TMEM209: variants seen among roughly 807,000 people sequenced by gnomAD.
TMEM209 encodes the protein testicular tissue protein Li 202.
A neutral mutation model predicts 76.2 loss-of-function variants in TMEM209; 65 were observed. The observed-to-expected ratio is 0.85, with a 90% confidence interval of 0.70 to 1.05. The LOEUF is 1.05. Among genes scored for constraint, TMEM209 ranks in the 50% least tolerant of loss-of-function variants. The pLI is 0.00. For synonymous variants in TMEM209, 239 were observed against 237.6 expected (o/e 1.01, Z -0.06); for missense variants, 623 against 685.5 (o/e 0.91, Z 1.02).
At chr7:130,193,360 G>T (rs1416354665) in intron 5 of TMEM209, among the ~76,000 whole-genome samples, 1 of 152,130 alleles carries the variant, frequency 6.6e-6, no homozygotes, top group African/African-American at 2.4e-5. Flanking sequence ...CCAACATGGA[G>T]AAACCCTGTG....
At chr7:130,184,722 C>T (rs184768151) in intron 7 of TMEM209, among the ~76,000 whole-genome samples, 17 of 152,222 alleles carry the variant, frequency 1.1e-4, no homozygotes, top group Non-Finnish European at 2.4e-4. Flanking sequence ...AATCTCCTGA[C>T]CTCGTGATCC....
At chr7:130,189,172 A>T (rs1419375287) in intron 6 of TMEM209, among the ~76,000 whole-genome samples, 1 of 152,164 alleles carries the variant, frequency 6.6e-6, no homozygotes, top group Non-Finnish European at 1.5e-5. Flanking sequence ...TATCTTAAGC[A>T]TGACAATCAT....
At chr7:130,170,609 A>T (rs1291146057) in intron 13 of TMEM209, 136 bp from the exon 14 acceptor site, 2 of 699,546 alleles carry the variant, frequency 2.9e-6, no homozygotes, top group Non-Finnish European at 4.7e-6. Context: ...TATTTATTAA[A>T]CAAAGTACCT....
intron 14 of TMEM209, among the ~76,000 whole-genome samples, chr7:130,167,718 T>G (rs925438369): frequency 1.3e-5 from 2 of 152,138 alleles, no homozygotes; most frequent in African/African-American, 4.8e-5. Context: ...AAGTAGAACA[T>G]TCATCTGATT....
At chr7:130,202,713 T>C (rs1331561980) in intron 3 of TMEM209, 50 bp from the exon 4 acceptor site, 13 of 1,574,750 alleles carry the variant, frequency 8.3e-6, no homozygotes, top group African/African-American at 1.4e-5. Context: ...AGGGCATCTA[T>C]TGGAGAACAC....
chr7:130,185,657 T>G (rs568688382), intron 6 of TMEM209, among the ~76,000 whole-genome samples: 18 of 152,228 alleles, frequency 1.2e-4, no homozygotes, highest in Non-Finnish European at 2.2e-4. Flanking sequence ...TCTAAGACTT[T>G]TAAATCATTT....
chr7:130,170,688 G>C (rs1797039178), intron 13 of TMEM209, among the ~76,000 whole-genome samples: 1 of 152,166 alleles, frequency 6.6e-6, no homozygotes, highest in Non-Finnish European at 1.5e-5. Flanking sequence ...AAGGACATAA[G>C]GGCCAGTAGG....
At chr7:130,170,856 T>C (rs1180748942) in intron 13 of TMEM209, among the ~76,000 whole-genome samples, 5 of 148,204 alleles carry the variant, frequency 3.4e-5, no homozygotes, top group African/African-American at 1.2e-4. Flanking sequence ...TGAGATGGAG[T>C]CTCGCTGTGT....
intron 5 of TMEM209, among the ~76,000 whole-genome samples, chr7:130,200,246 A>T (rs1314342277): frequency 1.3e-5 from 2 of 152,082 alleles, no homozygotes; most frequent in African/African-American, 2.4e-5. Flanking sequence ...AAAGCACGAG[A>T]ACTTCCTGAT....
At chr7:130,195,949 C>T (rs1277553171) in intron 5 of TMEM209, among the ~76,000 whole-genome samples, 1 of 152,030 alleles carries the variant, frequency 6.6e-6, no homozygotes, top group Non-Finnish European at 1.5e-5. Flanking sequence ...CATATGATTA[C>T]TATATTCGCC....
chr7:130,178,833 C>A (rs1180210832), intron 9 of TMEM209, among the ~76,000 whole-genome samples: 1 of 151,990 alleles, frequency 6.6e-6, no homozygotes, highest in Non-Finnish European at 1.5e-5. Flanking sequence ...TGGAGTATAG[C>A]GGCACAATCA....
At chr7:130,193,430 C>T (rs1797864378) in intron 5 of TMEM209, among the ~76,000 whole-genome samples, 1 of 151,676 alleles carries the variant, frequency 6.6e-6, no homozygotes, top group Admixed American at 6.6e-5. Context: ...CCCAGCTACT[C>T]GGGAGGCTGA....
At chr7:130,205,310 G>T in intron 1 of TMEM209, 63 bp downstream of exon 1, 3 of 1,613,596 alleles carry the variant, frequency 1.9e-6, no homozygotes, top group Non-Finnish European at 2.5e-6. Context: ...CAGCAGGCGC[G>T]GAACTCCCAC....
At position 130,185,141 on chromosome 7, in the gene TMEM209, T is replaced by C. The variant is rs1401516003; in HGVS notation, c.951+51A>G. 25 of 1,552,400 alleles carry C rather than the reference T, an allele frequency of 1.6e-5. No homozygotes were observed. In the South Asian group the frequency reaches 3.0e-4, roughly 19 times the overall value. ...AAAATGTTCCAGAAGTAGAAGACTT[T>C]CTAACAATGCATAAATCATAAATAT... On this transcript the variant is annotated intron_variant, in intron 7 of 14. Coordinates refer to ENST00000397622, the MANE Select transcript of TMEM209 (RefSeq NM_032842.4).
intron 14 of TMEM209, among the ~76,000 whole-genome samples, chr7:130,166,927 A>G (rs1796900423): frequency 6.6e-6 from 1 of 152,200 alleles, no homozygotes; most frequent in South Asian, 2.1e-4. Flanking sequence ...GAGTTTTCAT[A>G]TGTGTATTAG....
At chr7:130,195,868 T>C (rs1233632994) in intron 5 of TMEM209, among the ~76,000 whole-genome samples, 1 of 152,176 alleles carries the variant, frequency 6.6e-6, no homozygotes, top group African/African-American at 2.4e-5. Context: ...GCAGTCATTA[T>C]ATATGTTAGG....
chr7:130,173,256 T>C (rs1252662155), intron 13 of TMEM209, among the ~76,000 whole-genome samples: 1 of 151,982 alleles, frequency 6.6e-6, no homozygotes, highest in Non-Finnish European at 1.5e-5. Context: ...GTGGAAGGAC[T>C]TCTTGAGCCC....
intron 14 of TMEM209, 74 bp from the exon 15 acceptor site, chr7:130,166,579 T>A: frequency 2.3e-6 from 2 of 870,616 alleles, no homozygotes; most frequent in Non-Finnish European, 3.4e-6. Context: ...AACAAAAAAC[T>A]TTATGAATAA....
At chr7:130,189,476 C>T (rs984022398) in intron 6 of TMEM209, among the ~76,000 whole-genome samples, 3 of 152,102 alleles carry the variant, frequency 2.0e-5, no homozygotes, top group Admixed American at 6.5e-5. Context: ...GGATTACAAG[C>T]GTGAGCCACT....
Sources: allele counts gnomAD v4.1 joint callset (sites outside exome capture counted in the v4.1 genomes callset), GRCh38; gene constraint gnomAD v4.1.1; transcripts MANE v1.5; gene names NCBI Gene and HGNC (gene_info 2026-07-23, HGNC 2026-07-21).